NOS1AP: variants seen among roughly 807,000 people sequenced by gnomAD.
NOS1AP encodes the protein nitric oxide synthase 1 adaptor protein.
NOS1AP carries 21 observed loss-of-function variants against 56.2 expected under a neutral mutation model. That is an observed-to-expected ratio of 0.37 (90% CI 0.26 to 0.54). NOS1AP has a LOEUF of 0.54. Among genes scored for constraint, NOS1AP ranks in the 20% least tolerant of loss-of-function variants. NOS1AP has a pLI of 0.84. For synonymous variants in NOS1AP, 270 were observed against 274.6 expected (o/e 0.98, Z 0.17); for missense variants, 522 against 657.8 (o/e 0.79, Z 2.26).
intron 2 of NOS1AP, among the ~76,000 whole-genome samples, chr1:162,276,002 G>A (rs554835772): frequency 1.3e-5 from 2 of 152,298 alleles, no homozygotes; most frequent in East Asian, 1.9e-4. Flanking sequence ...GAACATAGCT[G>A]CACTCATTTA....
rs990707820 is a variant in NOS1AP at position 162,221,540 on chromosome 1, A to G, written c.178-65804A>G. On this transcript the variant is annotated intron_variant, in intron 2 of 9. Coordinates refer to ENST00000361897, the MANE Select transcript of NOS1AP (RefSeq NM_014697.3). The stretch of plus-strand genomic sequence containing the variant: ...CACACGCACACACACGCGCGCACAC[A>G]CACACACACACACACACACACACAC... Among the ~76,000 whole-genome samples the G allele has an allele frequency of 3.3e-3, 458 of 139,362 alleles. 4 individuals carry two copies. Among genetic ancestry groups the G allele is most frequent in the African/African-American group, 9.1e-3 (315 of 34,650 alleles). 91.4% of individuals were successfully genotyped at this position (139,362 alleles called of 152,430 possible). A position where few individuals can be genotyped will look rare whatever the true frequency, so the allele number is the denominator to read the frequency against.
intron 6 of NOS1AP, among the ~76,000 whole-genome samples, chr1:162,345,313 C>CT (rs1657255732): frequency 8.0e-6 from 1 of 124,730 alleles, no homozygotes; most frequent in Admixed American, 8.9e-5. Flanking sequence ...CCCCTCCCCC[C>CT]ACCCCACAAC....
chr1:162,075,097 C>G (rs928831618), intron 1 of NOS1AP, among the ~76,000 whole-genome samples: 2 of 152,170 alleles, frequency 1.3e-5, no homozygotes, highest in African/African-American at 4.8e-5. Context: ...ATTGCTGAAG[C>G]TGTTTACCAC....
chr1:162,156,224 A>G (rs910022873), intron 2 of NOS1AP, among the ~76,000 whole-genome samples: 3 of 152,216 alleles, frequency 2.0e-5, no homozygotes, highest in African/African-American at 7.2e-5. Flanking sequence ...GCTTCAAAGC[A>G]CTTTCACTTG....
intron 4 of NOS1AP, among the ~76,000 whole-genome samples, chr1:162,302,734 A>G (rs1456868127): frequency 6.6e-6 from 1 of 152,216 alleles, no homozygotes; most frequent in East Asian, 1.9e-4. Flanking sequence ...ATCTCAGTCA[A>G]GATGGTGAAC....
At chr1:162,098,402 T>C (rs1364511971) in intron 1 of NOS1AP, among the ~76,000 whole-genome samples, 1 of 152,144 alleles carries the variant, frequency 6.6e-6, no homozygotes, top group Non-Finnish European at 1.5e-5. Context: ...CCACTGCATC[T>C]GGCTGATAGT....
chr1:162,266,216 G>T (rs1484325922), intron 2 of NOS1AP, among the ~76,000 whole-genome samples: 2 of 152,222 alleles, frequency 1.3e-5, no homozygotes, highest in African/African-American at 4.8e-5. Context: ...GCAGCAGTGT[G>T]TATTGGGAGA....
At chr1:162,154,126 T>G (rs1169325812) in intron 1 of NOS1AP, among the ~76,000 whole-genome samples, 1 of 152,190 alleles carries the variant, frequency 6.6e-6, no homozygotes, top group Non-Finnish European at 1.5e-5. Context: ...TGGAAGAGTC[T>G]TCACACCCAA....
chr1:162,213,089 G>C (rs1172194712), intron 2 of NOS1AP, among the ~76,000 whole-genome samples: 1 of 152,144 alleles, frequency 6.6e-6, no homozygotes, highest in Non-Finnish European at 1.5e-5. Context: ...ATCAGGTCAG[G>C]GCTGGCCGCC....
At chr1:162,170,714 G>A (rs942232975) in intron 2 of NOS1AP, among the ~76,000 whole-genome samples, 1 of 152,090 alleles carries the variant, frequency 6.6e-6, no homozygotes, top group African/African-American at 2.4e-5. Flanking sequence ...ATCACTTGAG[G>A]TCAGAAGTTC....
intron 9 of NOS1AP, among the ~76,000 whole-genome samples, chr1:162,366,017 G>A (rs1277735136): frequency 6.6e-6 from 1 of 152,166 alleles, no homozygotes; most frequent in African/African-American, 2.4e-5. Context: ...TCAAGACTCT[G>A]TCACACAGAA....
chr1:162,232,153 A>G (rs1257642474), intron 2 of NOS1AP, among the ~76,000 whole-genome samples: 1 of 152,190 alleles, frequency 6.6e-6, no homozygotes, highest in Non-Finnish European at 1.5e-5. Flanking sequence ...ACCTTGGAAA[A>G]TGGGATTGAC....
chr1:162,364,355 C>T (rs953089647), intron 8 of NOS1AP: 2 of 985,332 alleles, frequency 2.0e-6, no homozygotes, highest in African/African-American at 3.5e-5. Context: ...CTTCAGGGGC[C>T]TTCTGAAATG....
intron 1 of NOS1AP, among the ~76,000 whole-genome samples, chr1:162,078,831 C>A (rs4098274): frequency 0.64 from 96,942 of 151,788 alleles, 31,342 homozygotes; most frequent in Non-Finnish European, 0.69. Flanking sequence ...TTTCCCACCC[C>A]GTTCACAAGT....
intron 2 of NOS1AP, among the ~76,000 whole-genome samples, chr1:162,163,335 A>G (rs1396307408): frequency 2.0e-5 from 3 of 152,206 alleles, no homozygotes. Flanking sequence ...AAGGAAACAA[A>G]TCAATGCTTT....
chr1:162,229,749 A>T (rs557213683), intron 2 of NOS1AP, among the ~76,000 whole-genome samples: 3 of 152,326 alleles, frequency 2.0e-5, no homozygotes, highest in Non-Finnish European at 4.4e-5. Context: ...CCTGAATGAT[A>T]ATCCCAGGGT....
chr1:162,083,675 T>C (rs1226381891), intron 1 of NOS1AP, among the ~76,000 whole-genome samples: 4 of 152,230 alleles, frequency 2.6e-5, no homozygotes, highest in Admixed American at 2.6e-4. Flanking sequence ...TGCATTTTTT[T>C]CCTCCAGATA....
At chr1:162,220,837 A>G (rs1013235706) in intron 2 of NOS1AP, among the ~76,000 whole-genome samples, 3 of 152,224 alleles carry the variant, frequency 2.0e-5, no homozygotes, top group South Asian at 2.1e-4. Context: ...AGAAGTTCAT[A>G]TGATCTACCA....
chr1:162,258,221 A>G (rs983218027), intron 2 of NOS1AP, among the ~76,000 whole-genome samples: 3 of 152,162 alleles, frequency 2.0e-5, no homozygotes, highest in Non-Finnish European at 2.9e-5. Flanking sequence ...TAGTATTTAT[A>G]ACATGGAATC....
Sources: gnomAD v4.1 joint callset for allele counts (sites outside exome capture counted in the v4.1 genomes callset) on GRCh38, gnomAD v4.1.1 for gene constraint, MANE v1.5 for transcripts, NCBI Gene and HGNC (gene_info 2026-07-23, HGNC 2026-07-21) for gene names.